The following WDFY4 variants were observed in gnomAD, a reference collection of about 807,000 sequenced individuals.
The protein encoded by WDFY4 is WD repeat- and FYVE domain-containing protein 4.
WDFY4 carries 169 observed loss-of-function variants against 351.9 expected under a neutral mutation model. The ratio of observed to expected loss-of-function variants is 0.48; its 90% CI spans 0.42 to 0.55. The LOEUF (loss-of-function observed/expected upper bound fraction) is 0.55, where lower values mean the gene tolerates loss of function less well. Among genes scored for constraint, WDFY4 ranks in the 20% least tolerant of loss-of-function variants. The pLI, the probability that WDFY4 is intolerant of heterozygous loss-of-function variation, is 0.00. For missense variants in WDFY4, 3,803 were observed against 3,935.6 expected (o/e 0.97, Z 0.90); for synonymous variants, 1,622 against 1,574.6 (o/e 1.03, Z -0.71).
intron 31 of WDFY4, among the ~76,000 whole-genome samples, chr10:48,815,584 G>A (rs904181628): frequency 3.3e-5 from 5 of 152,028 alleles, no homozygotes; most frequent in African/African-American, 9.7e-5. Flanking sequence ...TCAGCCACCC[G>A]AGTAGCTGAC....
chr10:48,732,022 C>T (rs1415089811), intron 9 of WDFY4, among the ~76,000 whole-genome samples: 2 of 152,152 alleles, frequency 1.3e-5, no homozygotes, highest in African/African-American at 2.4e-5. Flanking sequence ...GCCCAGCACG[C>T]CCCTCCAAGT....
At chr10:48,717,891 A>G (rs1828976215) in intron 2 of WDFY4, among the ~76,000 whole-genome samples, 1 of 152,190 alleles carries the variant, frequency 6.6e-6, no homozygotes, top group African/African-American at 2.4e-5. Context: ...ATGTGCCAGC[A>G]TTTCTTTAGG....
intron 44 of WDFY4, among the ~76,000 whole-genome samples, chr10:48,894,591 A>G (rs79545610): frequency 0.04 from 6,043 of 152,372 alleles, 167 homozygotes; most frequent in East Asian, 0.084. Context: ...TTGGCAGGCC[A>G]GAGAGCATGA....
intron 39 of WDFY4, among the ~76,000 whole-genome samples, chr10:48,852,808 C>A (rs77249224): frequency 0.044 from 6,728 of 152,250 alleles, 205 homozygotes; most frequent in Middle Eastern, 0.099. Context: ...TATTTTCTTC[C>A]CCTGTAGAAC....
intron 43 of WDFY4, among the ~76,000 whole-genome samples, chr10:48,877,789 GT>G (rs2070086210): frequency 2.6e-5 from 4 of 152,176 alleles, no homozygotes; most frequent in Admixed American, 6.5e-5. Flanking sequence ...GAAACCCGGG[GT>G]CCTGGGTGCC....
intron 1 of WDFY4, among the ~76,000 whole-genome samples, chr10:48,688,091 C>A (rs2063102239): frequency 6.6e-6 from 1 of 152,178 alleles, no homozygotes; most frequent in African/African-American, 2.4e-5. Context: ...CCTAATAGGC[C>A]ATTCTTTAGT....
At chr10:48,800,812 A>G (rs1317693608) in intron 24 of WDFY4, among the ~76,000 whole-genome samples, 1 of 147,728 alleles carries the variant, frequency 6.8e-6, no homozygotes, top group Non-Finnish European at 1.5e-5. Flanking sequence ...AGCTCACTGC[A>G]ACCTCTGACT....
At chr10:48,729,299 C>T in intron 7 of WDFY4, 133 bp from the exon 8 acceptor site, 3 of 1,322,226 alleles carry the variant, frequency 2.3e-6, no homozygotes, top group Non-Finnish European at 3.1e-6. Flanking sequence ...CTCTGAATTG[C>T]CTCAGGTGCA....
At chr10:48,723,115 T>C (rs1160058816) in intron 4 of WDFY4, among the ~76,000 whole-genome samples, 1 of 152,024 alleles carries the variant, frequency 6.6e-6, no homozygotes, top group Non-Finnish European at 1.5e-5. Context: ...TTCTAATTTC[T>C]ACAGTCCCTC....
chr10:48,761,737 C>G (rs764809023), intron 13 of WDFY4, among the ~76,000 whole-genome samples: 3 of 152,116 alleles, frequency 2.0e-5, no homozygotes, highest in Admixed American at 6.5e-5. Context: ...AAGAGCTGGG[C>G]AGAGTTGAGG....
At chr10:48,805,883 T>C in intron 26 of WDFY4, 121 bp from the exon 27 acceptor site, 1 of 802,444 alleles carries the variant, frequency 1.2e-6, no homozygotes, top group Non-Finnish European at 2.1e-6. Flanking sequence ...GCCATGATGA[T>C]TTCCCTTAAA....
intron 23 of WDFY4, among the ~76,000 whole-genome samples, chr10:48,794,252 G>A (rs1222842269): frequency 6.6e-6 from 1 of 152,118 alleles, no homozygotes; most frequent in African/African-American, 2.4e-5. Context: ...GTTCAAGCAG[G>A]GGCTGAGATA....
chr10:48,907,772 T>G (rs960230532), intron 47 of WDFY4, among the ~76,000 whole-genome samples: 6 of 152,166 alleles, frequency 3.9e-5, no homozygotes, highest in African/African-American at 1.4e-4. Flanking sequence ...AATGCTTAAC[T>G]AGTAAAGGTA....
intron 47 of WDFY4, among the ~76,000 whole-genome samples, chr10:48,932,937 A>T (rs534667865): frequency 6.6e-6 from 1 of 152,278 alleles, no homozygotes; most frequent in East Asian, 1.9e-4. Context: ...GAGGGCGAAG[A>T]GCTGAGCAAG....
chr10:48,917,824 G>C (rs1233074386), intron 47 of WDFY4, among the ~76,000 whole-genome samples: 1 of 152,216 alleles, frequency 6.6e-6, no homozygotes, highest in Non-Finnish European at 1.5e-5. Flanking sequence ...CTAAATATCT[G>C]AGTAAATGTG....
rs1314065933 is a variant in WDFY4 at position 48,946,099 on chromosome 10, G to T, written c.7809G>T (p.Gln2603His). ...FRDLSKPMGAQTKERKLKFIQ... is the reference protein window; with the variant it reads ...FRDLSKPMGAHTKERKLKFIQ... The stretch of plus-strand genomic sequence containing the variant: ...ATCTTTCAAAGCCCATGGGGGCTCA[G>T]ACCAAGGAAAGGAAGCTGAAATTTA... The change falls in exon 50 of 62, where the codon CAG becomes CAT. Residue 2603 changes from glutamine (Q) to histidine (H), a missense_variant. Around this residue, in one of 3 missense-constraint regions of WDFY4, gnomAD observed 3,054 missense variants for 3,148.6 expected, o/e 0.97. Transcript: ENST00000325239. 1.9e-6 allele frequency: 3 copies of T among 1,549,236 alleles called. No homozygotes were observed. The highest frequency in any genetic ancestry group is 2.6e-6 in the Non-Finnish European group (3 of 1,146,372).
chr10:48,784,891 C>G (rs933347286), intron 19 of WDFY4, among the ~76,000 whole-genome samples: 2 of 132,126 alleles, frequency 1.5e-5, no homozygotes, highest in African/African-American at 2.9e-5. Flanking sequence ...TAGTCTCGCT[C>G]TGTCACCCCA....
At chr10:48,913,847 G>C (rs1838244975) in intron 47 of WDFY4, 3 of 1,614,134 alleles carry the variant, frequency 1.9e-6, no homozygotes, top group Non-Finnish European at 2.5e-6. Flanking sequence ...GGTTGTTGCT[G>C]ACGTTGAGGT....
chr10:48,694,832 G>T (rs1359671966), intron 1 of WDFY4, among the ~76,000 whole-genome samples: 1 of 151,986 alleles, frequency 6.6e-6, no homozygotes. Context: ...TCCACCACTG[G>T]CACCATATGT....
Sources: gnomAD v4.1 joint callset for allele counts (sites outside exome capture counted in the v4.1 genomes callset) on GRCh38, gnomAD v4.1.1 for gene constraint, gnomAD v4.1.1 regional missense constraint, MANE v1.5 for transcripts, NCBI Gene and HGNC (gene_info 2026-07-23, HGNC 2026-07-21) for gene names.